Variants in LY75 observed in about 807,000 individuals in gnomAD.
The protein encoded by LY75 is C-type lectin domain family 13 member B.
A neutral mutation model predicts 231.7 loss-of-function variants in LY75; 185 were observed. The observed-to-expected ratio is 0.80, with a 90% CI of 0.71 to 0.90. The LOEUF is 0.90. Among genes scored for constraint, LY75 ranks in the 40% least tolerant of loss-of-function variants. LY75 has a pLI of 0.00. For synonymous variants in LY75, 668 were observed against 689.0 expected, an observed-to-expected ratio of 0.97 and a Z score of 0.48; for missense variants, 1,947 against 2,050.2, an observed-to-expected ratio of 0.95 and a Z score of 0.97.
intron 12 of LY75, among the ~76,000 whole-genome samples, chr2:159,874,220 A>G (rs1685123199): frequency 2.1e-5 from 2 of 94,980 alleles, no homozygotes; most frequent in East Asian, 3.1e-4. Context: ...GTAAATATAT[A>G]TAAATATATT....
rs765526906 is a variant in LY75 at position 159,899,015 on chromosome 2, T to C, written c.139A>G (p.Ile47Val). 3 of 1,614,122 alleles carry C rather than the reference T, an allele frequency of 1.9e-6. No homozygotes were observed. The highest frequency in any genetic ancestry group is 1.1e-5 in the South Asian group (1 of 91,088). The stretch of plus-strand genomic sequence containing the variant: ...ACTATCCAGCCATACACTGGCTTGA[T>C]GCACTTGCCCGTATTTCCATGGACG... ...TIVHGNTGKC[I>V]KPVYGWIVAD... The change falls in exon 2 of 35, where the codon ATC (isoleucine) becomes GTC (valine). Residue 47 changes from isoleucine (I) to valine (V), a missense_variant. Ile to Val is a conservative substitution (Grantham distance 29). Transcript: ENST00000263636.
chr2:159,842,098 T>C, intron 24 of LY75, 147 bp downstream of exon 24: 1 of 960,734 alleles, frequency 1.0e-6, no homozygotes, highest in Non-Finnish European at 1.4e-6. Context: ...ACATGGTGTA[T>C]TGGACCCAGG....
intron 2 of LY75, 98 bp downstream of exon 2, chr2:159,898,590 A>G (rs369908973): frequency 9.9e-6 from 15 of 1,516,670 alleles, no homozygotes; most frequent in Middle Eastern, 2.3e-4. Flanking sequence ...CACTGCCCTT[A>G]CTAATGTACG....
Position 159,898,830 on chromosome 2 carries a change from C to T in LY75, c.324G>A (p.Trp108Ter). 1 of 1,614,228 alleles carries T rather than the reference C, an allele frequency of 6.2e-7. No homozygotes were observed. The highest frequency in any genetic ancestry group is 8.5e-7 in the Non-Finnish European group (1 of 1,180,032). Residue 108 changes from tryptophan (W) to a stop codon, truncating the protein, a stop_gained, in exon 2 of 35, where the codon TGG (tryptophan) becomes TGA (stop). Transcript: ENST00000263636. LOFTEE classifies it high-confidence loss of function. ...FSCDSSAMLW[W>*]KCEHHSLYGA... is the part of the protein sequence containing the mutation. Reference sequence around the variant, plus strand: ...CGTACAGAGAGTGGTGCTCACATTTCCACCACAGCATGGCACTGGAGTCAC... The same window carrying T: ...CGTACAGAGAGTGGTGCTCACATTTTCACCACAGCATGGCACTGGAGTCAC...
At chr2:159,873,055 C>T (rs1010256993) in intron 12 of LY75, among the ~76,000 whole-genome samples, 42 of 151,996 alleles carry the variant, frequency 2.8e-4, no homozygotes, top group African/African-American at 9.9e-4. Context: ...GCAGTCTGCA[C>T]TGGTGTGTGA....
At chr2:159,855,318 A>T (rs1684516752) in intron 16 of LY75, among the ~76,000 whole-genome samples, 1 of 152,252 alleles carries the variant, frequency 6.6e-6, no homozygotes, top group Non-Finnish European at 1.5e-5. Flanking sequence ...AATAACGGTC[A>T]TTGAAAAGGG....
At position 159,842,274 on chromosome 2, in the gene LY75, T is replaced by C. The variant is rs191990384; in HGVS notation, c.3251A>G (p.His1084Arg). The change falls in exon 24 of 35, where the codon CAC becomes CGC. Residue 1084 changes from histidine (H) to arginine (R), a missense_variant. By Grantham distance (29) the His-to-Arg change is conservative. Coordinates refer to ENST00000263636, the MANE Select transcript of LY75 (RefSeq NM_002349.4). ...ATATTTCTGACAGAGAGACACAAAG[T>C]GGCGTTCACTGCAGGATGTAAAATT... ...TWNFTSCSER[H>R]FVSLCQKYSE... 10 of 1,612,094 alleles carry C rather than the reference T, an allele frequency of 6.2e-6. No individual in the cohort carries two copies. In the Admixed American group the frequency reaches 1.5e-4, roughly 24 times the overall value.
chr2:159,897,132 A>C (rs1685928898), intron 2 of LY75, among the ~76,000 whole-genome samples: 1 of 152,194 alleles, frequency 6.6e-6, no homozygotes, highest in Non-Finnish European at 1.5e-5. Context: ...GATAAAAAGG[A>C]AAACCAGTTA....
chr2:159,851,812 T>G (rs1684409941), intron 21 of LY75, among the ~76,000 whole-genome samples: 1 of 152,244 alleles, frequency 6.6e-6, no homozygotes, highest in Non-Finnish European at 1.5e-5. Context: ...GCTGGTCTAA[T>G]TTGATTGGCA....
In LY75 at chr2:159,878,441, T is replaced by G; in HGVS notation, c.1657A>C (p.Arg553=). The change falls in exon 11 of 35, where the codon AGA becomes CGA. Residue 553 remains arginine, a synonymous_variant. Coordinates refer to ENST00000263636, the MANE Select transcript of LY75 (RefSeq NM_002349.4). Reference sequence around the variant, plus strand: ...CTCAGGCCAGTCCAGAAGTATTTTCTTAGAGATTTATCATACTTTTTCATC... The same window carrying G: ...CTCAGGCCAGTCCAGAAGTATTTTCGTAGAGATTTATCATACTTTTTCATC... ...DLMKKYDKSL[R]KYFWTGLRDV... 1 of 1,614,104 alleles carries G rather than the reference T, an allele frequency of 6.2e-7. No individual in the cohort carries two copies. Among genetic ancestry groups the G allele is most frequent in the Non-Finnish European group, 8.5e-7 (1 of 1,180,004 alleles).
At chr2:159,849,853 A>T in intron 23 of LY75, 127 bp downstream of exon 23, 1 of 1,232,436 alleles carries the variant, frequency 8.1e-7, no homozygotes, top group Non-Finnish European at 1.1e-6. Context: ...ACTATCTTAG[A>T]TGTGCCTATT....
In LY75 at chr2:159,819,826, A is replaced by C. The variant is rs1574526691; in HGVS notation, c.4053T>G (p.Gly1351=). 6.2e-7 allele frequency: 1 copy of C among 1,614,096 alleles called. No individual in the cohort carries two copies. The highest frequency in any genetic ancestry group is 2.2e-5 in the East Asian group (1 of 44,862). Residue 1351 remains glycine (G), a synonymous_variant, in exon 29 of 35, where the codon GGT becomes GGG. Coordinates refer to ENST00000263636, the MANE Select transcript of LY75 (RefSeq NM_002349.4). ...PTIKNEKFLA[G]LSTDGFWDIQ... ...TATCCCAGAAGCCGTCAGTACTTAAACCAGCCAAAAACTTCTCATTTTTTA... is the reference window on the plus strand; with the variant it reads ...TATCCCAGAAGCCGTCAGTACTTAACCCAGCCAAAAACTTCTCATTTTTTA...
chr2:159,810,300 G>A (rs1404559678), intron 32 of LY75, among the ~76,000 whole-genome samples: 1 of 152,166 alleles, frequency 6.6e-6, no homozygotes, highest in African/African-American at 2.4e-5. Context: ...CCAAAGTGCT[G>A]GGATTACAGG....
chr2:159,817,821 G>C (rs897612443), intron 29 of LY75, among the ~76,000 whole-genome samples: 1 of 152,102 alleles, frequency 6.6e-6, no homozygotes, highest in Non-Finnish European at 1.5e-5. Context: ...GCCAAGGCGG[G>C]GGGATCACCT....
intron 16 of LY75, among the ~76,000 whole-genome samples, chr2:159,855,554 C>T (rs2048437): frequency 0.41 from 61,899 of 151,988 alleles, 13,285 homozygotes; most frequent in South Asian, 0.67. Context: ...CACAGAATTC[C>T]GGGTTGGAAG....
chr2:159,808,412 T>C, intron 33 of LY75, 37 bp downstream of exon 33: 1 of 1,613,012 alleles, frequency 6.2e-7, no homozygotes, highest in Non-Finnish European at 8.5e-7. Flanking sequence ...GAGTTAGAAC[T>C]CTCTTTGCAC....
rs1560056961 is a variant in LY75 at position 159,803,669 on chromosome 2, C to T, written c.*1375G>A. 1 of 152,142 alleles carries T rather than the reference C, an allele frequency of 6.6e-6. No individual in the cohort carries two copies. Among genetic ancestry groups the T allele is most frequent in the Non-Finnish European group, 1.5e-5 (1 of 68,016 alleles). 9.4% of individuals were successfully genotyped at this position (152,142 alleles called of 1,614,324 possible). A position where few individuals can be genotyped will look rare whatever the true frequency, so the allele number is the denominator to read the frequency against. ...AGTTAAATGCCGAATAAAACATTTT[C>T]ACCTTTTCCAGTGGATGCTATTACT... On this transcript the variant is annotated 3_prime_UTR_variant, in exon 35 of 35. Coordinates refer to ENST00000263636, the MANE Select transcript of LY75 (RefSeq NM_002349.4).
At position 159,854,365 on chromosome 2, in the gene LY75, C is replaced by A; in HGVS notation, c.2590G>T (p.Ala864Ser). 7.1e-7 allele frequency: 1 copy of A among 1,410,842 alleles called. No homozygotes were observed. 87.4% of individuals were successfully genotyped at this position (1,410,842 alleles called of 1,614,324 possible). A position where few individuals can be genotyped will look rare whatever the true frequency, so the allele number is the denominator to read the frequency against. Reference protein sequence around the residue: ...VGLKAIKNKIANISGDGQKWW... With the variant: ...VGLKAIKNKISNISGDGQKWW... ...AATATATTCTTTTAAATTACATTTG[C>A]TATTTTGTTTTTGATGGCTTTTAGT... Residue 864 changes from alanine (A) to serine (S), a missense_variant, in exon 18 of 35, where the codon GCA (alanine) becomes TCA (serine). By Grantham distance (99) the Ala-to-Ser change is moderately conservative (BLOSUM62 1). Transcript: ENST00000263636.
intron 28 of LY75, among the ~76,000 whole-genome samples, chr2:159,823,080 A>T (rs1683349487): frequency 6.6e-6 from 1 of 152,156 alleles, no homozygotes; most frequent in Admixed American, 6.5e-5. Context: ...AGCGAACAAA[A>T]CTGGATGGAG....
Sources: allele counts gnomAD v4.1 joint callset (sites outside exome capture counted in the v4.1 genomes callset), GRCh38; gene constraint gnomAD v4.1.1; transcripts MANE v1.5; gene names NCBI Gene and HGNC (gene_info 2026-07-23, HGNC 2026-07-21).